The following AKAP19 variants were observed in gnomAD, a reference collection of about 807,000 sequenced individuals.
AKAP19 encodes the protein small A-kinase anchoring protein.
the AKAP19 span, among the ~76,000 whole-genome samples, chr2:190,065,019 A>G: frequency 5.9e-5 from 9 of 152,248 alleles, no homozygotes; most frequent in South Asian, 1.9e-3. Context: ...TTTGAGTCCT[A>G]TCTGACGCAC....
At chr2:190,164,457 G>T in the AKAP19 span, among the ~76,000 whole-genome samples, 12 of 152,286 alleles carry the variant, frequency 7.9e-5, no homozygotes, top group East Asian at 1.3e-3. Context: ...CTTGAGCCGT[G>T]GGGTGGAGGT....
At chr2:190,034,534 CAAAAAAAAAAA>C in the AKAP19 span, among the ~76,000 whole-genome samples, 6 of 68,254 alleles carry the variant, frequency 8.8e-5, no homozygotes, top group East Asian at 4.1e-4. Context: ...GGCTACAGTG[CAAAAAAAAAAA>C]AAAAAAAAAA....
the AKAP19 span, among the ~76,000 whole-genome samples, chr2:190,077,984 C>T: frequency 6.6e-6 from 1 of 152,096 alleles, no homozygotes; most frequent in African/African-American, 2.4e-5. Flanking sequence ...AAGTGTTCAG[C>T]TATTGTTCTT....
the AKAP19 span, among the ~76,000 whole-genome samples, chr2:190,113,545 A>T: frequency 6.6e-6 from 1 of 152,170 alleles, no homozygotes; most frequent in African/African-American, 2.4e-5. Context: ...CTTCTTTATC[A>T]CCACTACCTG....
the AKAP19 span, among the ~76,000 whole-genome samples, chr2:190,014,103 G>A: frequency 6.6e-6 from 1 of 152,064 alleles, no homozygotes; most frequent in Admixed American, 6.6e-5. Context: ...CATCCCATAA[G>A]TTTTGGTATG....
the AKAP19 span, among the ~76,000 whole-genome samples, chr2:190,145,585 A>C: frequency 1.3e-5 from 2 of 152,218 alleles, no homozygotes; most frequent in East Asian, 3.9e-4. Flanking sequence ...GTGTTTAGGT[A>C]CACAATTACT....
At chr2:189,881,325 A>C in the AKAP19 span, among the ~76,000 whole-genome samples, 4 of 152,168 alleles carry the variant, frequency 2.6e-5, no homozygotes, top group African/African-American at 9.7e-5. Context: ...CCGTCTGCTC[A>C]CTGAAATAAA....
At chr2:189,899,450 T>A in the AKAP19 span, among the ~76,000 whole-genome samples, 3 of 152,212 alleles carry the variant, frequency 2.0e-5, no homozygotes, top group Non-Finnish European at 4.4e-5. Context: ...TAAGCTACTC[T>A]GTTATTATTT....
the AKAP19 span, among the ~76,000 whole-genome samples, chr2:190,101,108 G>C: frequency 1.3e-5 from 2 of 152,194 alleles, no homozygotes; most frequent in African/African-American, 2.4e-5. Context: ...TTTAATCTAG[G>C]CACATGCAAA....
At chr2:190,028,938 G>A in the AKAP19 span, among the ~76,000 whole-genome samples, 1 of 152,130 alleles carries the variant, frequency 6.6e-6, no homozygotes, top group African/African-American at 2.4e-5. Flanking sequence ...AAGCAGTTTG[G>A]AAATATGTAC....
chr2:190,166,467 C>T, the AKAP19 span, among the ~76,000 whole-genome samples: 2 of 151,368 alleles, frequency 1.3e-5, no homozygotes, highest in South Asian at 2.1e-4. Context: ...AATACCAATA[C>T]AGGAGAACTG....
chr2:190,074,036 C>T, the AKAP19 span, among the ~76,000 whole-genome samples: 1 of 143,990 alleles, frequency 6.9e-6, no homozygotes, highest in Non-Finnish European at 1.5e-5. Flanking sequence ...AGTGAGATTC[C>T]GTCTCAGAAA....
At chr2:190,106,220 T>C in the AKAP19 span, among the ~76,000 whole-genome samples, 1 of 152,248 alleles carries the variant, frequency 6.6e-6, no homozygotes, top group East Asian at 1.9e-4. Context: ...AATGGCCTCA[T>C]ATGCCTCTAT....
chr2:190,148,369 G>A, the AKAP19 span, among the ~76,000 whole-genome samples: 1 of 152,268 alleles, frequency 6.6e-6, no homozygotes, highest in African/African-American at 2.4e-5. Flanking sequence ...ATTGATTATG[G>A]TGGATTATCT....
At chr2:190,201,192 T>C in the AKAP19 span, 1 of 167,172 alleles carries the variant, frequency 6.0e-6, no homozygotes, top group South Asian at 2.1e-4. Context: ...TAGCCACCTA[T>C]TATACTGTTT....
the AKAP19 span, among the ~76,000 whole-genome samples, chr2:190,054,446 TA>T: frequency 6.6e-6 from 1 of 152,056 alleles, no homozygotes; most frequent in African/African-American, 2.4e-5. Flanking sequence ...ACTTCATGTC[TA>T]AAACACCAAA....
chr2:190,098,419 G>A, the AKAP19 span, among the ~76,000 whole-genome samples: 1 of 152,064 alleles, frequency 6.6e-6, no homozygotes, highest in Non-Finnish European at 1.5e-5. Context: ...CATTGTCAAT[G>A]AGCAGTAATA....
the AKAP19 span, among the ~76,000 whole-genome samples, chr2:189,962,040 T>G: frequency 6.6e-6 from 1 of 152,208 alleles, no homozygotes; most frequent in African/African-American, 2.4e-5. Flanking sequence ...ATGGAAACTG[T>G]GAAAACCATA....
the AKAP19 span, among the ~76,000 whole-genome samples, chr2:190,163,463 A>G: frequency 1.3e-5 from 2 of 150,904 alleles, no homozygotes; most frequent in Admixed American, 6.6e-5. Context: ...AACAAAAAAA[A>G]AAAAAACTGA....
Sources: gnomAD v4.1 joint callset for allele counts (sites outside exome capture counted in the v4.1 genomes callset) on GRCh38, gnomAD v4.1.1 for gene constraint, MANE v1.5 for transcripts, NCBI Gene and HGNC (gene_info 2026-07-23, HGNC 2026-07-21) for gene names.